The following RAB6B variants were observed in gnomAD, a reference collection of about 807,000 sequenced individuals.
The protein encoded by RAB6B is RAB6B, member RAS oncogene family.
Under a neutral mutation model 31.2 loss-of-function variants are expected in RAB6B, and 7 were observed. The ratio of observed to expected loss-of-function variants is 0.22; its 90% CI spans 0.13 to 0.42. The LOEUF (loss-of-function observed/expected upper bound fraction) is 0.42, where lower values mean the gene tolerates loss of function less well. RAB6B is among the 10% of genes least tolerant of loss of function. The probability of loss-of-function intolerance (pLI) is 1.00; values close to 1 mark genes in which losing one functional copy is unlikely to be tolerated. For synonymous variants in RAB6B, 105 were observed against 104.9 expected (o/e 1.00, Z -0.01); for missense variants, 149 against 280.6 (o/e 0.53, Z 3.35).
intron 3 of RAB6B, 32 bp from the exon 4 acceptor site, chr3:133,841,422 G>T: frequency 6.2e-7 from 1 of 1,607,438 alleles, no homozygotes; most frequent in Non-Finnish European, 8.5e-7. Context: ...CATGGGCAGA[G>T]GGGTCAGTGG....
intron 1 of RAB6B, among the ~76,000 whole-genome samples, chr3:133,891,774 G>T (rs977500386): frequency 2.0e-5 from 3 of 152,210 alleles, no homozygotes; most frequent in African/African-American, 4.8e-5. Context: ...TCCAAGGAAT[G>T]CTATTCACAG....
intron 1 of RAB6B, among the ~76,000 whole-genome samples, chr3:133,876,055 C>T (rs996841327): frequency 8.5e-5 from 13 of 152,144 alleles, no homozygotes. Context: ...CAATGAAAAG[C>T]CTCCCAATCC....
At chr3:133,849,793 G>T (rs538079977) in intron 2 of RAB6B, among the ~76,000 whole-genome samples, 2 of 152,134 alleles carry the variant, frequency 1.3e-5, no homozygotes, top group South Asian at 4.1e-4. Context: ...TAATAGTTCA[G>T]CAGAGCCCAC....
chr3:133,864,948 C>G (rs568209597), intron 1 of RAB6B, among the ~76,000 whole-genome samples: 2 of 152,368 alleles, frequency 1.3e-5, no homozygotes, highest in East Asian at 3.9e-4. Context: ...GAGAACCCAG[C>G]TGATGCAAGA....
chr3:133,857,102 T>A (rs540819893), intron 2 of RAB6B, among the ~76,000 whole-genome samples: 3 of 152,338 alleles, frequency 2.0e-5, no homozygotes, highest in African/African-American at 7.2e-5. Flanking sequence ...AGTTGTCATT[T>A]GTTTCACTTT....
At chr3:133,834,753 C>T in intron 6 of RAB6B, 112 bp from the exon 7 acceptor site, 1 of 1,001,712 alleles carries the variant, frequency 1.0e-6, no homozygotes, top group South Asian at 1.3e-5. Flanking sequence ...CTTTACTCTC[C>T]CATCTGCCCA....
chr3:133,838,369 A>G, intron 5 of RAB6B, 110 bp from the exon 6 acceptor site: 2 of 949,748 alleles, frequency 2.1e-6, no homozygotes, highest in Non-Finnish European at 3.4e-6. Flanking sequence ...GCCCTTGGTC[A>G]GTCCTGAAGA....
intron 1 of RAB6B, among the ~76,000 whole-genome samples, chr3:133,869,596 T>C (rs1234810836): frequency 2.6e-5 from 4 of 152,236 alleles, no homozygotes; most frequent in Non-Finnish European, 5.9e-5. Context: ...TCTTACAATC[T>C]AACCCTGACA....
At chr3:133,844,250 A>G (rs1484555245) in intron 2 of RAB6B, among the ~76,000 whole-genome samples, 5 of 152,214 alleles carry the variant, frequency 3.3e-5, no homozygotes, top group Admixed American at 1.3e-4. Flanking sequence ...CTCACATCCC[A>G]TAACAGACTA....
chr3:133,874,655 C>G (rs530234855), intron 1 of RAB6B, among the ~76,000 whole-genome samples: 2 of 152,318 alleles, frequency 1.3e-5, no homozygotes, highest in East Asian at 3.9e-4. Context: ...AACCTTAGCT[C>G]ACTACAACAT....
In RAB6B at chr3:133,873,594, CT is replaced by C. The variant is rs200942135; in HGVS notation, c.71-8953del. On this transcript the variant is annotated intron_variant, in intron 1 of 7. Transcript: ENST00000285208. ...AGGTGCTATCATCTTTGGTTTTCTT[CT>C]TTTCCTCTCTAGCTTCCTCTCTTCC... Among the ~76,000 whole-genome samples, 824 of 152,340 alleles carry C rather than the reference CT, an allele frequency of 5.4e-3. 3 individuals are homozygous for C. The highest frequency in any genetic ancestry group is 9.5e-3 in the Non-Finnish European group (645 of 68,032).
At chr3:133,833,049 C>T (rs968232571) in intron 7 of RAB6B, among the ~76,000 whole-genome samples, 4 of 152,188 alleles carry the variant, frequency 2.6e-5, no homozygotes, top group African/African-American at 7.2e-5. Context: ...GGATGGAGAG[C>T]GGGCAGTGCA....
At chr3:133,851,740 G>C (rs941403387) in intron 2 of RAB6B, among the ~76,000 whole-genome samples, 1 of 152,226 alleles carries the variant, frequency 6.6e-6, no homozygotes, top group Non-Finnish European at 1.5e-5. Flanking sequence ...GAGCCACACA[G>C]AAGTGAAGTG....
intron 1 of RAB6B, among the ~76,000 whole-genome samples, chr3:133,876,408 T>G (rs1015931816): frequency 6.6e-6 from 1 of 152,238 alleles, no homozygotes; most frequent in Admixed American, 6.5e-5. Flanking sequence ...ATCATTCCTC[T>G]AATACATTCA....
intron 2 of RAB6B, among the ~76,000 whole-genome samples, chr3:133,842,671 G>GT (rs1935853002): frequency 6.6e-6 from 1 of 152,184 alleles, no homozygotes; most frequent in African/African-American, 2.4e-5. Flanking sequence ...CATGTGGCGA[G>GT]TGATCCCAAT....
intron 7 of RAB6B, among the ~76,000 whole-genome samples, chr3:133,832,535 A>G (rs561090217): frequency 1.3e-5 from 2 of 152,362 alleles, no homozygotes; most frequent in East Asian, 3.9e-4. Context: ...GAACACAATT[A>G]TGAACATGAC....
chr3:133,881,144 G>T (rs1198631760), intron 1 of RAB6B, among the ~76,000 whole-genome samples: 2 of 152,198 alleles, frequency 1.3e-5, no homozygotes. Flanking sequence ...TTGGATGCTT[G>T]GGCACCAGGG....
intron 1 of RAB6B, among the ~76,000 whole-genome samples, chr3:133,889,431 TA>T (rs1936603923): frequency 2.3e-4 from 19 of 81,470 alleles, no homozygotes; most frequent in African/African-American, 6.7e-4. Context: ...TATATATATA[TA>T]TATATATATA....
chr3:133,870,268 C>T (rs1377577860), intron 1 of RAB6B, among the ~76,000 whole-genome samples: 1 of 152,160 alleles, frequency 6.6e-6, no homozygotes, highest in Non-Finnish European at 1.5e-5. Flanking sequence ...ACCATCAGAT[C>T]TCATGAGACC....
Sources: allele counts gnomAD v4.1 joint callset (sites outside exome capture counted in the v4.1 genomes callset), GRCh38; gene constraint gnomAD v4.1.1; transcripts MANE v1.5; gene names NCBI Gene and HGNC (gene_info 2026-07-23, HGNC 2026-07-21).